The following DSCAM variants were observed in gnomAD, a reference collection of about 807,000 sequenced individuals.
DSCAM encodes the protein DS cell adhesion molecule, also known as cell adhesion molecule DSCAM.
Under a neutral mutation model 217.7 loss-of-function variants are expected in DSCAM, and 47 were observed. That is an observed-to-expected ratio of 0.22 (90% CI 0.17 to 0.28). The LOEUF (loss-of-function observed/expected upper bound fraction) is 0.28, where lower values mean the gene tolerates loss of function less well. Ranked by LOEUF, DSCAM falls within the 10% of genes least tolerant of loss-of-function variation. The pLI is 1.00. For synonymous variants in DSCAM, 1,056 were observed against 1,015.3 expected (o/e 1.04, Z -0.76); for missense variants, 2,080 against 2,618.3 (o/e 0.79, Z 4.49).
intron 3 of DSCAM, among the ~76,000 whole-genome samples, chr21:40,571,571 T>C (rs1213535998): frequency 1.3e-5 from 2 of 152,190 alleles, no homozygotes; most frequent in Non-Finnish European, 2.9e-5. Flanking sequence ...TCATACATGA[T>C]AGAAGCTCAA....
At chr21:40,756,992 T>G (rs1467138473) in intron 1 of DSCAM, among the ~76,000 whole-genome samples, 1 of 151,510 alleles carries the variant, frequency 6.6e-6, no homozygotes, top group Non-Finnish European at 1.5e-5. Flanking sequence ...TGTGTGTGTG[T>G]GTGTGTGTGT....
chr21:40,342,648 A>ATATATATATATATATATGTATATATATT (rs61637421), intron 6 of DSCAM, among the ~76,000 whole-genome samples: 1 of 80,322 alleles, frequency 1.2e-5, no homozygotes, highest in African/African-American at 5.2e-5. Context: ...ATATATATAT[A>ATATATATATATATATATGTATATATATT]TTTTTTTTTT....
At chr21:40,259,661 C>CTTTTTTTT (rs542106779) in intron 11 of DSCAM, among the ~76,000 whole-genome samples, 1,017 of 59,532 alleles carry the variant, frequency 0.017, 257 homozygotes, top group Middle Eastern at 0.094. Flanking sequence ...GTCAGCCATT[C>CTTTTTTTT]TTTTTTTTTT....
intron 3 of DSCAM, among the ~76,000 whole-genome samples, chr21:40,678,221 T>C (rs2090362135): frequency 6.6e-6 from 1 of 152,232 alleles, no homozygotes; most frequent in South Asian, 2.1e-4. Context: ...GGCGTGTTTC[T>C]ATCTCTTTTG....
At chr21:40,126,777 T>C (rs1173727841) in intron 19 of DSCAM, among the ~76,000 whole-genome samples, 1 of 152,186 alleles carries the variant, frequency 6.6e-6, no homozygotes, top group Non-Finnish European at 1.5e-5. Context: ...AAACTCGCAG[T>C]TGGCTCCTCC....
chr21:40,339,538 G>C, intron 6 of DSCAM, 123 bp from the exon 7 acceptor site: 1 of 1,017,388 alleles, frequency 9.8e-7, no homozygotes. Flanking sequence ...AAAAGGTCTG[G>C]TTTTCCTGAT....
chr21:40,697,377 G>C (rs1387331043), intron 2 of DSCAM, among the ~76,000 whole-genome samples: 1 of 151,998 alleles, frequency 6.6e-6, no homozygotes, highest in Non-Finnish European at 1.5e-5. Flanking sequence ...TGTTGCCTGT[G>C]CTTTTGAGGC....
At chr21:40,436,234 G>A (rs1021584326) in intron 3 of DSCAM, among the ~76,000 whole-genome samples, 10 of 152,202 alleles carry the variant, frequency 6.6e-5, no homozygotes, top group Admixed American at 2.6e-4. Context: ...TGTATCAATT[G>A]TAGTGATGTA....
At chr21:40,567,631 T>C (rs551242474) in intron 3 of DSCAM, among the ~76,000 whole-genome samples, 1 of 152,290 alleles carries the variant, frequency 6.6e-6, no homozygotes, top group Admixed American at 6.5e-5. Context: ...CCCCTACTTA[T>C]CACTCTGAAC....
At chr21:40,150,766 T>A (rs1443430025) in intron 16 of DSCAM, among the ~76,000 whole-genome samples, 1 of 152,216 alleles carries the variant, frequency 6.6e-6, no homozygotes, top group Non-Finnish European at 1.5e-5. Flanking sequence ...ATGTGTCTAC[T>A]AGGAACAAAG....
At chr21:40,590,054 T>C (rs2076973002) in intron 3 of DSCAM, among the ~76,000 whole-genome samples, 1 of 152,192 alleles carries the variant, frequency 6.6e-6, no homozygotes, top group African/African-American at 2.4e-5. Flanking sequence ...CAATGGGAAT[T>C]AGTAGGCAGT....
intron 11 of DSCAM, among the ~76,000 whole-genome samples, chr21:40,214,889 A>G (rs1052763544): frequency 6.6e-6 from 1 of 152,162 alleles, no homozygotes. Flanking sequence ...CAATCAGTAT[A>G]TCAAAAAGAC....
At chr21:40,760,187 TG>T (rs1363844810) in intron 1 of DSCAM, among the ~76,000 whole-genome samples, 1 of 151,882 alleles carries the variant, frequency 6.6e-6, no homozygotes, top group East Asian at 1.9e-4. Flanking sequence ...TCATTTTTAT[TG>T]TTTTTAGTAG....
intron 11 of DSCAM, among the ~76,000 whole-genome samples, chr21:40,206,737 C>T (rs1244523504): frequency 6.7e-6 from 1 of 148,500 alleles, no homozygotes; most frequent in Non-Finnish European, 1.5e-5. Context: ...AGCAAGACCC[C>T]ATCTCTACAA....
chr21:40,102,158 G>A (rs995482353), intron 20 of DSCAM, among the ~76,000 whole-genome samples: 5 of 152,100 alleles, frequency 3.3e-5, no homozygotes, highest in African/African-American at 9.7e-5. Context: ...ATATAAACTC[G>A]TTTGAACCTT....
chr21:40,501,566 T>C (rs1393147748), intron 3 of DSCAM, among the ~76,000 whole-genome samples: 1 of 152,190 alleles, frequency 6.6e-6, no homozygotes, highest in Non-Finnish European at 1.5e-5. Flanking sequence ...TGAGAATAAA[T>C]TTTTAAAGGC....
chr21:40,642,110 G>A (rs1047764147), intron 3 of DSCAM, among the ~76,000 whole-genome samples: 23 of 151,674 alleles, frequency 1.5e-4, no homozygotes, highest in Non-Finnish European at 1.9e-4. Context: ...GGAAAATCAA[G>A]GCTCAGAGAG....
chr21:40,382,682 C>T (rs2075039406), intron 3 of DSCAM, among the ~76,000 whole-genome samples: 2 of 152,216 alleles, frequency 1.3e-5, no homozygotes, highest in Admixed American at 6.5e-5. Context: ...TCCCACTCCA[C>T]TGCCTTTTGG....
Position 40,842,893 on chromosome 21 carries a change from G to A in DSCAM, c.43+3726C>T, listed in dbSNP as rs902967853. Among the ~76,000 whole-genome samples, 12 of 152,168 alleles carry A rather than the reference G, an allele frequency of 7.9e-5. No individual in the cohort carries two copies. The East Asian group carries it at 1.7e-3, about 22-fold the overall frequency. On this transcript the variant is annotated intron_variant, in intron 1 of 32. Transcript: ENST00000400454. ...CCACTGGCATTTATTGAAGGTCTGCGTGGCATTTTGTTTTCCTACAGAGGG... is the reference window on the plus strand; with the variant it reads ...CCACTGGCATTTATTGAAGGTCTGCATGGCATTTTGTTTTCCTACAGAGGG...
Sources: gnomAD v4.1 joint callset for allele counts (sites outside exome capture counted in the v4.1 genomes callset) on GRCh38, gnomAD v4.1.1 for gene constraint, MANE v1.5 for transcripts, NCBI Gene and HGNC (gene_info 2026-07-23, HGNC 2026-07-21) for gene names.